Variants in ZMYM2 observed in about 807,000 individuals in gnomAD.
ZMYM2 encodes zinc finger MYM-type protein 2.
A neutral mutation model predicts 162.8 loss-of-function variants in ZMYM2; 56 were observed. The observed-to-expected ratio is 0.34, with a 90% confidence interval of 0.28 to 0.43. The LOEUF is 0.43. ZMYM2 is among the 20% of genes least tolerant of loss of function. The pLI, the probability that ZMYM2 is intolerant of heterozygous loss-of-function variation, is 1.00. For synonymous variants in ZMYM2, 510 were observed against 541.6 expected (o/e 0.94, Z 0.81); for missense variants, 1,275 against 1,621.8 (o/e 0.79, Z 3.67).
chr13:19,989,151 A>G (rs1949408136), intron 2 of ZMYM2, among the ~76,000 whole-genome samples: 3 of 152,114 alleles, frequency 2.0e-5, no homozygotes, highest in Admixed American at 2.0e-4. Flanking sequence ...CAGGGAAAAT[A>G]TCGTATATAT....
At chr13:19,959,114 C>T (rs1464554844) in intron 1 of ZMYM2, among the ~76,000 whole-genome samples, 1 of 147,634 alleles carries the variant, frequency 6.8e-6, no homozygotes, top group Non-Finnish European at 1.5e-5. Context: ...TGGGAGAGTG[C>T]GGGCGAGGCC....
chr13:20,065,287 A>T (rs1421314771), intron 19 of ZMYM2, among the ~76,000 whole-genome samples: 1 of 152,090 alleles, frequency 6.6e-6, no homozygotes, highest in African/African-American at 2.4e-5. Flanking sequence ...CTTGACACCA[A>T]ACACAACAAT....
the ZMYM2 span, among the ~76,000 whole-genome samples, chr13:19,937,480 CAG>C: frequency 2.3e-5 from 3 of 131,128 alleles, no homozygotes; most frequent in Admixed American, 8.5e-5. Context: ...TTTTTTGAGA[CAG>C]AGTCTCAGTC....
chr13:19,992,089 CT>C, intron 2 of ZMYM2, among the ~76,000 whole-genome samples: 1 of 152,262 alleles, frequency 6.6e-6, no homozygotes, highest in Non-Finnish European at 1.5e-5. Context: ...GACCTGATAT[CT>C]TTGGTGACCT....
chr13:19,994,606 C>T (rs1205933127), intron 3 of ZMYM2, among the ~76,000 whole-genome samples: 1 of 152,070 alleles, frequency 6.6e-6, no homozygotes, highest in East Asian at 1.9e-4. Context: ...TCTCCTCCCT[C>T]AGCCTTTCAA....
the ZMYM2 span, among the ~76,000 whole-genome samples, chr13:19,906,284 G>GTATATATATATATA: frequency 5.5e-4 from 35 of 63,788 alleles, no homozygotes; most frequent in East Asian, 1.8e-3. Flanking sequence ...TCAAAAAAAA[G>GTATATATATATATA]TATATATATA....
chr13:19,881,036 G>A, the ZMYM2 span, among the ~76,000 whole-genome samples: 1 of 150,958 alleles, frequency 6.6e-6, no homozygotes, highest in Non-Finnish European at 1.5e-5. Flanking sequence ...TTACAGGCAC[G>A]TGCCACCACG....
the ZMYM2 span, among the ~76,000 whole-genome samples, chr13:19,886,234 G>A: frequency 0.11 from 14,571 of 133,078 alleles, 966 homozygotes; most frequent in African/African-American, 0.19. Context: ...GCGCAATCTC[G>A]GCTCATCGCA....
At chr13:20,073,093 A>C (rs1232909469) in intron 21 of ZMYM2, among the ~76,000 whole-genome samples, 3 of 152,036 alleles carry the variant, frequency 2.0e-5, no homozygotes, top group Non-Finnish European at 4.4e-5. Flanking sequence ...TTTTTAGTAG[A>C]GACAGGACTT....
chr13:19,983,384 G>A (rs1957522027), intron 2 of ZMYM2, among the ~76,000 whole-genome samples: 1 of 152,032 alleles, frequency 6.6e-6, no homozygotes, highest in Admixed American at 6.5e-5. Context: ...GACCTCAGAT[G>A]ATCCGCCTCC....
chr13:19,957,146 AT>A (rs201769591), upstream of ZMYM2, among the ~76,000 whole-genome samples: 3 of 151,842 alleles, frequency 2.0e-5, no homozygotes, highest in Admixed American at 2.0e-4. Flanking sequence ...TACTTGATTT[AT>A]TTTTTTTAAT....
intron 21 of ZMYM2, 94 bp from the exon 22 acceptor site, chr13:20,081,922 A>AT (rs1957936951): frequency 5.6e-6 from 4 of 719,580 alleles, no homozygotes; most frequent in Admixed American, 3.9e-5. Flanking sequence ...ATAAAGCTTT[A>AT]TTTTTTTCTT....
At chr13:19,870,658 G>A in the ZMYM2 span, among the ~76,000 whole-genome samples, 1 of 149,922 alleles carries the variant, frequency 6.7e-6, no homozygotes, top group Non-Finnish European at 1.5e-5. Context: ...AGGCTGGTGT[G>A]CAGTGGCACA....
chr13:20,060,959 T>C, intron 16 of ZMYM2, 94 bp from the exon 17 acceptor site: 1 of 1,231,446 alleles, frequency 8.1e-7, no homozygotes, highest in Non-Finnish European at 1.1e-6. Context: ...CAGTGTGATA[T>C]TACAAAGTAG....
chr13:20,017,000 T>G (rs1951685505), intron 6 of ZMYM2, among the ~76,000 whole-genome samples: 1 of 152,216 alleles, frequency 6.6e-6, no homozygotes, highest in African/African-American at 2.4e-5. Flanking sequence ...CCCCTTAGGC[T>G]TTTGCTTACT....
chr13:19,980,173 G>A (rs1001644421), intron 2 of ZMYM2, among the ~76,000 whole-genome samples: 1 of 151,780 alleles, frequency 6.6e-6, no homozygotes, highest in African/African-American at 2.4e-5. Context: ...TGAGGGGTAG[G>A]TGGCTCCCCA....
At chr13:20,038,877 G>C (rs1387767858) in intron 12 of ZMYM2, among the ~76,000 whole-genome samples, 3 of 151,954 alleles carry the variant, frequency 2.0e-5, no homozygotes, top group Admixed American at 6.6e-5. Context: ...GGGCAGTATG[G>C]CTATGTTAAT....
Position 20,006,402 on chromosome 13 carries a change from T to A in ZMYM2, c.1328T>A (p.Met443Lys). The A allele has an allele frequency of 6.3e-7, 1 of 1,595,896 alleles. No individual in the cohort carries two copies. The highest frequency in any genetic ancestry group is 8.5e-7 in the Non-Finnish European group (1 of 1,170,580). The change falls in exon 6 of 25, where the codon ATG becomes AAG. Residue 443 changes from methionine to lysine, a missense_variant. By Grantham distance (95) the Met-to-Lys change is moderately conservative. Around this residue, in one of 10 missense-constraint regions of ZMYM2, gnomAD observed 276 missense variants for 311.8 expected, o/e 0.89. Coordinates refer to ENST00000610343, the MANE Select transcript of ZMYM2 (RefSeq NM_197968.4). ...EIRHEVSFKN[M>K]THKLCSDHCF... Reference sequence around the variant, plus strand: ...CGCCATGAAGTCAGCTTTAAAAATATGACTCATAAGCTGTGCAGTGACCAC... The same window carrying A: ...CGCCATGAAGTCAGCTTTAAAAATAAGACTCATAAGCTGTGCAGTGACCAC...
At chr13:20,004,992 T>C in intron 4 of ZMYM2, 82 bp from the exon 5 acceptor site, 1 of 1,139,710 alleles carries the variant, frequency 8.8e-7, no homozygotes, top group South Asian at 1.5e-5. Flanking sequence ...ACTTAGTCTA[T>C]AGAAATGAAA....
Sources: allele counts gnomAD v4.1 joint callset (sites outside exome capture counted in the v4.1 genomes callset), GRCh38; gene constraint gnomAD v4.1.1; regional missense constraint gnomAD v4.1.1; transcripts MANE v1.5; gene names NCBI Gene and HGNC (gene_info 2026-07-23, HGNC 2026-07-21).